RPTOR: variants seen among roughly 807,000 people sequenced by gnomAD.
RPTOR encodes regulatory-associated protein of mTOR.
A neutral mutation model predicts 169.9 loss-of-function variants in RPTOR; 21 were observed. The observed-to-expected ratio is 0.12, with a 90% CI of 0.09 to 0.18. RPTOR has a LOEUF of 0.18. Ranked by LOEUF, RPTOR falls within the 10% of genes least tolerant of loss-of-function variation. The pLI, the probability that RPTOR is intolerant of heterozygous loss-of-function variation, is 1.00. For synonymous variants in RPTOR, 732 were observed against 753.2 expected, an observed-to-expected ratio of 0.97 and a Z score of 0.46; for missense variants, 1,133 against 1,855.9, an observed-to-expected ratio of 0.61 and a Z score of 7.16.
chr17:80,958,806 T>TAGA (rs1469218823), intron 29 of RPTOR, among the ~76,000 whole-genome samples: 1 of 152,184 alleles, frequency 6.6e-6, no homozygotes, highest in Non-Finnish European at 1.5e-5. Context: ...GGAAAAGTGG[T>TAGA]AGAGACCTAA....
intron 20 of RPTOR, among the ~76,000 whole-genome samples, chr17:80,895,114 A>G (rs932481521): frequency 2.0e-5 from 3 of 152,124 alleles, no homozygotes; most frequent in Admixed American, 2.0e-4. Context: ...TCCTTTTCTT[A>G]ATAAGCAAAC....
rs2066153366 is a variant in RPTOR, at chr17:80,707,830, T to G, written c.349-11T>G. ...CCGTGGTAAATTTCTTCATTTCTTC[T>G]CCTGCAACAGGCCCGGTACAAGCAG... is the stretch of plus-strand genomic sequence containing the variant. On this transcript the variant is annotated splice_polypyrimidine_tract_variant and intron_variant, in intron 3 of 33. Transcript: ENST00000306801. The surrounding 1 kb of genome is among the most constrained non-coding windows in gnomAD (Gnocchi z 5.0). The G allele has an allele frequency of 6.2e-7, 1 of 1,606,814 alleles. No homozygotes were observed. Among genetic ancestry groups the G allele is most frequent in the Admixed American group, 1.7e-5 (1 of 59,474 alleles).
chr17:80,751,373 G>A (rs2066628731), intron 5 of RPTOR, among the ~76,000 whole-genome samples: 1 of 152,184 alleles, frequency 6.6e-6, no homozygotes, highest in African/African-American at 2.4e-5. Flanking sequence ...GGCAGTCCGT[G>A]TCATCTTTGG....
rs1474733865 is a variant in RPTOR, at chr17:80,709,058, C to T, written c.507+1059C>T. The T allele has an allele frequency of 9.1e-6, 9 of 985,288 alleles. No homozygotes were observed. In the African/African-American group the frequency reaches 1.0e-4, roughly 11 times the overall value. The allele number at this position is 985,288 out of a possible 1,614,324, so 61.0% of individuals were successfully genotyped here. A position where few individuals can be genotyped will look rare whatever the true frequency, so the allele number is the denominator to read the frequency against. ...CAGTGTGGGCCCAGAGCAGAGACCT[C>T]GAGGAAGGCTTCTGACCCTGGACAC... is the stretch of plus-strand genomic sequence containing the variant. On this transcript the variant is annotated intron_variant, in intron 4 of 33. Transcript: ENST00000306801.
At chr17:80,722,294 C>T (rs1170318288) in intron 4 of RPTOR, among the ~76,000 whole-genome samples, 1 of 151,112 alleles carries the variant, frequency 6.6e-6, no homozygotes, top group African/African-American at 2.5e-5. Context: ...ATAACCAACT[C>T]TCTGTAGAGG....
chr17:80,827,435 G>A (rs946244541), intron 9 of RPTOR, among the ~76,000 whole-genome samples: 17 of 152,294 alleles, frequency 1.1e-4, no homozygotes, highest in East Asian at 5.8e-4. Context: ...ACCACCCGCC[G>A]TCCCCACCAG....
chr17:80,734,297 C>T (rs941470082), intron 5 of RPTOR, among the ~76,000 whole-genome samples: 1 of 152,226 alleles, frequency 6.6e-6, no homozygotes, highest in African/African-American at 2.4e-5. Flanking sequence ...CTGCCTCGCT[C>T]AGCCGATCGT....
Position 80,744,029 on chromosome 17 carries a change from T to G in RPTOR, c.655-9981T>G, listed in dbSNP as rs200326547. ...TGGTTACTAGCACAGCCCTGGTTAC[T>G]AGCACAGCCCTGGTTACTAGCACAG... On this transcript the variant is annotated intron_variant, in intron 5 of 33. Transcript: ENST00000306801. Among the ~76,000 whole-genome samples the G allele has an allele frequency of 1.3e-4, 10 of 74,828 alleles. 1 individual carries two copies. Among genetic ancestry groups the G allele is most frequent in the African/African-American group, 7.4e-4 (8 of 10,870 alleles). 49.1% of individuals were successfully genotyped at this position (74,828 alleles called of 152,430 possible).
intron 6 of RPTOR, among the ~76,000 whole-genome samples, chr17:80,770,896 A>G (rs140211073): frequency 2.0e-5 from 3 of 152,226 alleles, no homozygotes; most frequent in Non-Finnish European, 4.4e-5. Context: ...CCTTAGACAG[A>G]GTGTCTGGTT....
At position 80,609,904 on chromosome 17, in the gene RPTOR, G is replaced by C. The variant is rs1424895311; in HGVS notation, c.163-15787G>C. On this transcript the variant is annotated intron_variant, in intron 1 of 33. Transcript: ENST00000306801. The surrounding 1 kb of genome is among the most constrained non-coding windows in gnomAD (Gnocchi z 4.8). ...CAACTGACATTTAGCCAATTGAAAAGTGTAGGCCAGGGTGTAGATAGCACA... is the reference window on the plus strand; with the variant it reads ...CAACTGACATTTAGCCAATTGAAAACTGTAGGCCAGGGTGTAGATAGCACA... Among the ~76,000 whole-genome samples, 1 of 152,082 alleles carries C rather than the reference G, an allele frequency of 6.6e-6. No individual in the cohort carries two copies. The highest frequency in any genetic ancestry group is 1.5e-5 in the Non-Finnish European group (1 of 68,006).
chr17:80,956,088 G>A (rs1276541910), intron 28 of RPTOR, among the ~76,000 whole-genome samples: 2 of 152,200 alleles, frequency 1.3e-5, no homozygotes, highest in African/African-American at 4.8e-5. Flanking sequence ...GGCATGTTAC[G>A]TTGTTGATGA....
At chr17:80,566,871 ACTT>A (rs1357590427) in intron 1 of RPTOR, among the ~76,000 whole-genome samples, 19 of 148,100 alleles carry the variant, frequency 1.3e-4, no homozygotes, top group African/African-American at 4.5e-4. Context: ...ATTTTCCTGT[ACTT>A]AATTTAAAAA....
chr17:80,710,516 T>C (rs1391658542), intron 4 of RPTOR, among the ~76,000 whole-genome samples: 1 of 152,086 alleles, frequency 6.6e-6, no homozygotes, highest in East Asian at 1.9e-4. Flanking sequence ...ATTCTTAATT[T>C]GGTTTTTTAA....
chr17:80,709,117 A>G, intron 4 of RPTOR: 1 of 985,076 alleles, frequency 1.0e-6, no homozygotes, highest in Non-Finnish European at 1.2e-6. Context: ...TTAGAAAGGT[A>G]TCCACCCAGC....
In RPTOR at chr17:80,885,203, A is replaced by G; in HGVS notation, c.1983+55A>G. 3 of 1,534,750 alleles carry G rather than the reference A, an allele frequency of 2.0e-6. No homozygotes were observed. In the South Asian group the frequency reaches 3.7e-5, roughly 19 times the overall value. Reference sequence around the variant, plus strand: ...GGGCACCCAGGCTGGACCCCGTGACACCTGGGGCCAAGCCCGCATGGCCCT... The same window carrying G: ...GGGCACCCAGGCTGGACCCCGTGACGCCTGGGGCCAAGCCCGCATGGCCCT... On this transcript the variant is annotated intron_variant, in intron 17 of 33. Transcript: ENST00000306801.
At chr17:80,943,369 A>G (rs1228484414) in intron 25 of RPTOR, among the ~76,000 whole-genome samples, 1 of 152,258 alleles carries the variant, frequency 6.6e-6, no homozygotes, top group Non-Finnish European at 1.5e-5. Context: ...CATGACCATG[A>G]AAAATTAGGC....
intron 16 of RPTOR, 25 bp downstream of exon 16, chr17:80,883,997 C>T: frequency 2.5e-6 from 4 of 1,595,906 alleles, no homozygotes; most frequent in African/African-American, 1.3e-5. Context: ...GGCTCAGAGT[C>T]CAGTCCTCCT....
chr17:80,881,261 C>T (rs2068183257), intron 14 of RPTOR, among the ~76,000 whole-genome samples: 1 of 152,176 alleles, frequency 6.6e-6, no homozygotes, highest in African/African-American at 2.4e-5. Flanking sequence ...ACAAAACAAA[C>T]AGGACTATTT....
chr17:80,829,246 T>A (rs921974305), intron 9 of RPTOR, among the ~76,000 whole-genome samples: 3 of 152,130 alleles, frequency 2.0e-5, no homozygotes, highest in African/African-American at 7.2e-5. Flanking sequence ...ATGAGGAGAA[T>A]CATGACTGGT....
Sources: allele counts gnomAD v4.1 joint callset (sites outside exome capture counted in the v4.1 genomes callset), GRCh38; gene constraint gnomAD v4.1.1; non-coding constraint Gnocchi (gnomAD v3.1); transcripts MANE v1.5; gene names NCBI Gene and HGNC (gene_info 2026-07-23, HGNC 2026-07-21).